PLCB2: variants seen among roughly 807,000 people sequenced by gnomAD.
The protein encoded by PLCB2 is phospholipase C beta 2, also known as 1-phosphatidylinositol 4,5-bisphosphate phosphodiesterase beta-2.
In PLCB2, 115 loss-of-function variants were observed where a neutral mutation model predicts 141.7. The observed-to-expected ratio is 0.81, with a 90% CI of 0.70 to 0.95. PLCB2 has a LOEUF of 0.95. Ranked by LOEUF, PLCB2 falls within the 40% of genes least tolerant of loss-of-function variation. The pLI is 0.00. For synonymous variants in PLCB2, 603 were observed against 595.6 expected, an observed-to-expected ratio of 1.01 and a Z score of -0.18; for missense variants, 1,403 against 1,541.1, an observed-to-expected ratio of 0.91 and a Z score of 1.50.
At chr15:40,291,781 T>C in intron 24 of PLCB2, 68 bp downstream of exon 24, 2 of 1,610,218 alleles carry the variant, frequency 1.2e-6, no homozygotes, top group Non-Finnish European at 1.7e-6. Flanking sequence ...TGAAATTTTT[T>C]AAAGGGAAGT....
Position 40,289,293 on chromosome 15 carries a change from C to A in PLCB2, c.3333G>T (p.Gln1111His), listed in dbSNP as rs2039721180. Residue 1111 changes from glutamine to histidine, a missense_variant, in exon 31 of 32, where the codon CAG becomes CAT. Gln to His is a conservative substitution (Grantham distance 24). Around this residue, in one of 4 missense-constraint regions of PLCB2, gnomAD observed 132 missense variants for 132.4 expected, o/e 1.00. Coordinates refer to ENST00000260402, the MANE Select transcript of PLCB2 (RefSeq NM_004573.3). The stretch of plus-strand genomic sequence containing the variant: ...TTACCTGCTTTTCCATCTCCCGTAT[C>A]TGTTCCAGGCAAGCCGCCTGCTTCT... ...LEEKQAACLE[Q>H]IREMEKQFQK... The A allele has an allele frequency of 6.2e-7, 1 of 1,614,056 alleles. No homozygotes were observed. The highest frequency in any genetic ancestry group is 8.5e-7 in the Non-Finnish European group (1 of 1,179,904).
chr15:40,305,175 CT>C (rs11320842), intron 1 of PLCB2, among the ~76,000 whole-genome samples: 68,517 of 134,858 alleles, frequency 0.51, 16,452 homozygotes, highest in East Asian at 0.73. Context: ...TTTGTGATCT[CT>C]TTTTTTTTTT....
rs1340297592 is a variant in PLCB2, at chr15:40,291,358, C to T, written c.2777G>A (p.Arg926Gln). The T allele has an allele frequency of 6.6e-7, 1 of 1,525,626 alleles. No homozygotes were observed. The highest frequency in any genetic ancestry group is 1.4e-5 in the African/African-American group (1 of 71,124). The allele number at this position is 1,525,626 out of a possible 1,614,324, so 94.5% of individuals were successfully genotyped here. ...GAGCTCCGCCAGCTGCGCCGCGCCCCGCTGCAGCAGCTCCTCCCAGCGCCG... is the reference window on the plus strand; with the variant it reads ...GAGCTCCGCCAGCTGCGCCGCGCCCTGCTGCAGCAGCTCCTCCCAGCGCCG... Reference protein sequence around the residue: ...GARRWEELLQRGAAQLAELGP... With the variant: ...GARRWEELLQQGAAQLAELGP... The change falls in exon 26 of 32, where the codon CGG (arginine) becomes CAG (glutamine). Residue 926 changes from arginine (R) to glutamine (Q), a missense_variant. Physicochemically the swap from Arg to Gln is conservative, Grantham distance 43. Coordinates refer to ENST00000260402, the MANE Select transcript of PLCB2 (RefSeq NM_004573.3).
At chr15:40,299,406 T>C (rs1449734886) in intron 7 of PLCB2, 178 bp from the exon 8 acceptor site, 4 of 562,952 alleles carry the variant, frequency 7.1e-6, no homozygotes, top group Non-Finnish European at 1.3e-5. Flanking sequence ...GCAGAGAGCA[T>C]GCTTAGCTGG....
intron 31 of PLCB2, 81 bp downstream of exon 31, chr15:40,289,191 T>C (rs535581662): frequency 4.4e-5 from 57 of 1,285,076 alleles, no homozygotes; most frequent in Middle Eastern, 3.8e-4. Flanking sequence ...ACCCTCTCAC[T>C]GGCAGCTCCC....
At chr15:40,290,512 TAG>T (rs34370826) in intron 29 of PLCB2, 63 bp downstream of exon 29, 426,242 of 1,161,614 alleles carry the variant, frequency 0.37, 82,181 homozygotes, top group Admixed American at 0.5. Flanking sequence ...GATCCATTTG[TAG>T]AGAGGCCCCT....
intron 3 of PLCB2, 135 bp downstream of exon 3, chr15:40,303,153 G>C (rs1026341941): frequency 7.1e-6 from 5 of 705,096 alleles, no homozygotes; most frequent in African/African-American, 1.8e-5. Flanking sequence ...TTCCAGCCAC[G>C]GTCCTTGCTG....
chr15:40,292,499 G>T (rs1480564747), intron 21 of PLCB2, 56 bp from the exon 22 acceptor site: 2 of 1,236,326 alleles, frequency 1.6e-6, no homozygotes, highest in Non-Finnish European at 2.3e-6. Flanking sequence ...CCAGCACTGT[G>T]CACACACAGC....
Position 40,290,212 on chromosome 15 carries a change from G to A in PLCB2, c.3210-130C>T, listed in dbSNP as rs1184829545. 5.7e-6 allele frequency: 4 copies of A among 701,388 alleles called. No individual in the cohort carries two copies. The Admixed American group carries it at 6.0e-5, about 11-fold the overall frequency. The allele number at this position is 701,388 out of a possible 1,614,324, so 43.4% of individuals were successfully genotyped here. ...GCAGGAACCAGCTGGGGGCAGGTGT[G>A]GGGACCCAAGGAGTATGTAGGGGCC... On this transcript the variant is annotated intron_variant, in intron 29 of 31. Transcript: ENST00000260402.
chr15:40,290,380 C>T (rs906574421), intron 29 of PLCB2, among the ~76,000 whole-genome samples, 197 bp downstream of exon 29: 8 of 152,254 alleles, frequency 5.3e-5, no homozygotes, highest in Non-Finnish European at 8.8e-5. Flanking sequence ...GCCTCCAGAG[C>T]TCTGCCCATG....
In PLCB2 at chr15:40,291,144, G is replaced by A; in HGVS notation, c.2910C>T (p.Gly970=). The A allele has an allele frequency of 6.4e-7, 1 of 1,570,724 alleles. No homozygotes were observed. Among genetic ancestry groups the A allele is most frequent in the South Asian group, 1.1e-5 (1 of 87,124 alleles). Residue 970 remains glycine, a synonymous_variant, in exon 27 of 32, where the codon GGC becomes GGT. Coordinates refer to ENST00000260402, the MANE Select transcript of PLCB2 (RefSeq NM_004573.3). ...PREESAGAAP[G]EGPEGVDGRV... ...GCCCGTCCACGCCCTCAGGGCCCTC[G>A]CCCGGCGCGGCTCCGGCGCTCTCCT...
intron 1 of PLCB2, 36 bp downstream of exon 1, chr15:40,307,553 T>A: frequency 7.3e-7 from 1 of 1,373,596 alleles, no homozygotes; most frequent in Non-Finnish European, 1.0e-6. Context: ...CCCCACCACC[T>A]GGTGCTCCAG....
Position 40,289,319 on chromosome 15 carries a change from C to T in PLCB2, c.3307G>A (p.Glu1103Lys), listed in dbSNP as rs909430811. ...TGTTCCAGGCAAGCCGCCTGCTTCT[C>T]CTCCAGCTTCTCCTGGTGCCTCTCC... Reference protein sequence around the residue: ...NLERHQEKLEEKQAACLEQIR... With the variant: ...NLERHQEKLEKKQAACLEQIR... Residue 1103 changes from glutamate to lysine, a missense_variant, in exon 31 of 32, where the codon GAG (glutamate) becomes AAG (lysine). Physicochemically the swap from Glu to Lys is moderately conservative, Grantham distance 56. This residue lies in a region of PLCB2 where 132 missense variants were observed against 132.4 expected (regional missense o/e 1.00). Coordinates refer to ENST00000260402, the MANE Select transcript of PLCB2 (RefSeq NM_004573.3). The T allele has an allele frequency of 3.1e-6, 5 of 1,613,982 alleles. No individual in the cohort carries two copies. The African/African-American group carries it at 5.3e-5, about 17-fold the overall frequency.
At chr15:40,299,436 T>C (rs2040402386) in intron 7 of PLCB2, 1 of 509,426 alleles carries the variant, frequency 2.0e-6, no homozygotes, top group Non-Finnish European at 3.5e-6. Flanking sequence ...ACCCTGATTT[T>C]GTACAGTGGC....
chr15:40,289,964 A>AGTGTGT (rs878937284), intron 30 of PLCB2, 61 bp downstream of exon 30: 1 of 577,346 alleles, frequency 1.7e-6, no homozygotes, highest in African/African-American at 2.6e-5. Context: ...AGAGAGAGAG[A>AGTGTGT]GAGAGTGTGT....
chr15:40,287,722 C>T (rs1456775003), downstream of PLCB2, among the ~76,000 whole-genome samples: 4 of 152,120 alleles, frequency 2.6e-5, no homozygotes, highest in Non-Finnish European at 2.9e-5. Context: ...TCAGGGCCAG[C>T]AGAAGGGGAA....
At chr15:40,289,586 C>G (rs1185657480) in intron 30 of PLCB2, 1 of 576,572 alleles carries the variant, frequency 1.7e-6, no homozygotes, top group African/African-American at 1.9e-5. Context: ...TGGCACAGGT[C>G]AGGACCCAGT....
chr15:40,300,240 G>A (rs1197282300), intron 7 of PLCB2, among the ~76,000 whole-genome samples: 3 of 152,182 alleles, frequency 2.0e-5, no homozygotes, highest in East Asian at 3.8e-4. Flanking sequence ...GCTTGAACCT[G>A]GGAGGCAGAG....
At chr15:40,289,475 G>A in intron 30 of PLCB2, 117 bp from the exon 31 acceptor site, 1 of 753,376 alleles carries the variant, frequency 1.3e-6, no homozygotes, top group Non-Finnish European at 2.3e-6. Flanking sequence ...CTTAACATTA[G>A]GTAGTTTTTA....
Sources: gnomAD v4.1 joint callset for allele counts (sites outside exome capture counted in the v4.1 genomes callset) on GRCh38, gnomAD v4.1.1 for gene constraint, gnomAD v4.1.1 regional missense constraint, MANE v1.5 for transcripts, NCBI Gene and HGNC (gene_info 2026-07-23, HGNC 2026-07-21) for gene names.